Variants in CNTN5 observed in about 807,000 individuals in gnomAD.
CNTN5 encodes contactin 5.
Under a neutral mutation model 129.1 loss-of-function variants are expected in CNTN5, and 77 were observed. The ratio of observed to expected loss-of-function variants is 0.60; its 90% confidence interval spans 0.50 to 0.72. The LOEUF (loss-of-function observed/expected upper bound fraction) is 0.72. CNTN5 is among the 30% of genes least tolerant of loss of function. CNTN5 has a pLI of 0.00. For synonymous variants in CNTN5, 509 were observed against 465.6 expected, an observed-to-expected ratio of 1.09 and a Z score of -1.20; for missense variants, 1,478 against 1,328.8, an observed-to-expected ratio of 1.11 and a Z score of -1.75.
chr11:100,231,453 G>A (rs184206223), intron 16 of CNTN5, among the ~76,000 whole-genome samples: 2 of 152,260 alleles, frequency 1.3e-5, no homozygotes, highest in East Asian at 3.9e-4. Flanking sequence ...AAATGAGAAC[G>A]AGAAGGCAAA....
At chr11:99,587,663 T>C (rs1949843185) in intron 3 of CNTN5, among the ~76,000 whole-genome samples, 1 of 152,138 alleles carries the variant, frequency 6.6e-6, no homozygotes, top group Non-Finnish European at 1.5e-5. Context: ...AAGATGGGGG[T>C]CATTTGCAAG....
intron 1 of CNTN5, among the ~76,000 whole-genome samples, chr11:99,089,035 AT>A (rs1866124154): frequency 6.6e-6 from 1 of 152,024 alleles, no homozygotes; most frequent in African/African-American, 2.4e-5. Context: ...TTAATAACCG[AT>A]TAAAAAAATT....
At chr11:100,241,563 A>G (rs1159090973) in intron 16 of CNTN5, among the ~76,000 whole-genome samples, 2 of 131,468 alleles carry the variant, frequency 1.5e-5, no homozygotes, top group Non-Finnish European at 1.7e-5. Context: ...TTGGCTCACA[A>G]CTCACTAGTC....
intron 3 of CNTN5, among the ~76,000 whole-genome samples, chr11:99,736,361 T>A (rs1374925176): frequency 1.3e-5 from 2 of 152,162 alleles, no homozygotes; most frequent in Non-Finnish European, 2.9e-5. Context: ...GTGTGGAACC[T>A]AGGCCTGGGG....
chr11:99,953,331 T>G (rs1426883192), intron 7 of CNTN5, among the ~76,000 whole-genome samples: 1 of 152,178 alleles, frequency 6.6e-6, no homozygotes, highest in Non-Finnish European at 1.5e-5. Flanking sequence ...TTGCAGCAAT[T>G]GCATAGAAAG....
At chr11:99,282,174 A>G (rs1414816703) in intron 1 of CNTN5, among the ~76,000 whole-genome samples, 2 of 152,082 alleles carry the variant, frequency 1.3e-5, no homozygotes, top group African/African-American at 4.8e-5. Flanking sequence ...TTCCTACAAT[A>G]AGAGAGATTG....
chr11:99,196,422 A>C (rs764666311), intron 1 of CNTN5, among the ~76,000 whole-genome samples: 11 of 151,880 alleles, frequency 7.2e-5, no homozygotes, highest in Admixed American at 3.9e-4. Context: ...GTGTCTGTGC[A>C]TGTATGCATT....
At chr11:100,336,561 A>G (rs934967030) in intron 21 of CNTN5, among the ~76,000 whole-genome samples, 3 of 152,240 alleles carry the variant, frequency 2.0e-5, no homozygotes, top group Non-Finnish European at 4.4e-5. Flanking sequence ...TCTAATTTTA[A>G]TTATTGATAT....
chr11:99,684,138 AT>A lies in CNTN5; in HGVS notation c.55+127870del, dbSNP rs1236590800. 9.9e-5 allele frequency among the ~76,000 whole-genome samples: 15 copies of A among 151,734 alleles called. 1 individual carries two copies. Among genetic ancestry groups the A allele is most frequent in the Admixed American group, 7.9e-4 (12 of 15,228 alleles). ...AACCACACTTTCACTCCCTGTTTCTATGAGTTTGACTTCTTTAGATTCTGCA... is the reference window on the plus strand; with the variant it reads ...AACCACACTTTCACTCCCTGTTTCTAGAGTTTGACTTCTTTAGATTCTGCA... On this transcript the variant is annotated intron_variant, in intron 3 of 24. Coordinates refer to ENST00000524871, the MANE Select transcript of CNTN5 (RefSeq NM_014361.4).
rs188232773 is a variant in CNTN5 at position 99,638,662 on chromosome 11, G to C, written c.55+82393G>C. ...AAACAAAGGGGTTTTCAGGGTCCATGCAAGTCCAAAATCCAGCAGGGCAGT... is the reference window on the plus strand; with the variant it reads ...AAACAAAGGGGTTTTCAGGGTCCATCCAAGTCCAAAATCCAGCAGGGCAGT... On this transcript the variant is annotated intron_variant, in intron 3 of 24. Transcript: ENST00000524871. 4.0e-3 allele frequency among the ~76,000 whole-genome samples: 611 copies of C among 152,286 alleles called. 5 individuals are homozygous for C. Among genetic ancestry groups the C allele is most frequent in the African/African-American group, 0.014 (578 of 41,554 alleles).
rs200075675 is a variant in CNTN5 at position 99,407,906 on chromosome 11, A to G, written c.-71+82422A>G. 2.6e-5 allele frequency among the ~76,000 whole-genome samples: 4 copies of G among 151,840 alleles called. No homozygotes were observed. In the East Asian group the frequency reaches 5.8e-4, roughly 22 times the overall value. On this transcript the variant is annotated intron_variant, in intron 2 of 24. Coordinates refer to ENST00000524871, the MANE Select transcript of CNTN5 (RefSeq NM_014361.4). ...CTCCATCTCCATAGGGCACAAAAAT[A>G]CTCTCTGCATCATGCTTCCACTACC...
intron 3 of CNTN5, among the ~76,000 whole-genome samples, chr11:99,710,514 G>A (rs555872486): frequency 4.8e-4 from 73 of 151,766 alleles, no homozygotes; most frequent in African/African-American, 1.6e-3. Context: ...CATGCAAGGG[G>A]CATGGCCCCT....
chr11:99,575,883 C>T (rs932088089), intron 3 of CNTN5, among the ~76,000 whole-genome samples: 4 of 152,124 alleles, frequency 2.6e-5, no homozygotes, highest in Admixed American at 6.6e-5. Flanking sequence ...ATTTCTGTGT[C>T]TTAGAACTAA....
chr11:99,788,975 T>G (rs545886166), intron 3 of CNTN5, among the ~76,000 whole-genome samples: 1 of 151,908 alleles, frequency 6.6e-6, no homozygotes, highest in Non-Finnish European at 1.5e-5. Flanking sequence ...TAGCTTAATA[T>G]TTTATTTCTA....
intron 3 of CNTN5, among the ~76,000 whole-genome samples, chr11:99,614,278 C>T (rs901439192): frequency 5.3e-5 from 8 of 152,128 alleles, no homozygotes; most frequent in African/African-American, 1.9e-4. Flanking sequence ...CATGTACATA[C>T]AATCATTTCT....
rs1949338448 is a variant in CNTN5 at position 100,224,815 on chromosome 11, G to C, written c.2005+3G>C. On this transcript the variant is annotated splice_donor_region_variant and intron_variant, in intron 16 of 24. Transcript: ENST00000524871. ...TGAGGCAGAACTTCTTGTTAGGGGT[G>C]AGTATGCTAATAGTGCAGTCTGAAG... 1 of 1,612,656 alleles carries C rather than the reference G, an allele frequency of 6.2e-7. No homozygotes were observed. Among genetic ancestry groups the C allele is most frequent in the Non-Finnish European group, 8.5e-7 (1 of 1,178,998 alleles).
chr11:99,951,603 C>T (rs937093926), intron 7 of CNTN5, among the ~76,000 whole-genome samples: 1 of 152,144 alleles, frequency 6.6e-6, no homozygotes, highest in East Asian at 1.9e-4. Context: ...TATCCCTTAT[C>T]TCTAATATTT....
rs189220550 is a variant in CNTN5 at position 99,894,812 on chromosome 11, G to A, written c.578-21242G>A. Reference sequence around the variant, plus strand: ...AGGATTTATATAAAATGTAAGTTACGTGGTTTTGGATTTAGAAACATCTAA... The same window carrying A: ...AGGATTTATATAAAATGTAAGTTACATGGTTTTGGATTTAGAAACATCTAA... On this transcript the variant is annotated intron_variant, in intron 6 of 24. Transcript: ENST00000524871. Among the ~76,000 whole-genome samples the A allele has an allele frequency of 1.0e-3, 156 of 152,206 alleles. 1 individual carries two copies. The highest frequency in any genetic ancestry group is 3.7e-3 in the African/African-American group (154 of 41,554).
At chr11:99,726,378 C>G (rs191944198) in intron 3 of CNTN5, among the ~76,000 whole-genome samples, 1 of 152,200 alleles carries the variant, frequency 6.6e-6, no homozygotes, top group Non-Finnish European at 1.5e-5. Context: ...CCCATTGTTG[C>G]TTTATCTTTT....
Sources: gnomAD v4.1 joint callset for allele counts (sites outside exome capture counted in the v4.1 genomes callset) on GRCh38, gnomAD v4.1.1 for gene constraint, MANE v1.5 for transcripts, NCBI Gene and HGNC (gene_info 2026-07-23, HGNC 2026-07-21) for gene names.